The following HUNK variants were observed in gnomAD, a reference collection of about 807,000 sequenced individuals.
HUNK encodes the protein hormonally up-regulated neu tumor-associated kinase.
HUNK carries 21 observed loss-of-function variants against 61.0 expected under a neutral mutation model. The ratio of observed to expected loss-of-function variants is 0.34; its 90% CI spans 0.24 to 0.50. HUNK has a LOEUF of 0.50. Ranked by LOEUF, HUNK falls within the 20% of genes least tolerant of loss-of-function variation. The pLI, the probability that HUNK is intolerant of heterozygous loss-of-function variation, is 0.98. For missense variants in HUNK, 772 were observed against 945.7 expected (o/e 0.82, Z 2.41); for synonymous variants, 371 against 386.1 (o/e 0.96, Z 0.46).
chr21:31,999,406 A>G lies in HUNK; in HGVS notation c.*222A>G. The G allele has an allele frequency of 1.9e-6, 1 of 513,504 alleles. No individual in the cohort carries two copies. The highest frequency in any genetic ancestry group is 3.7e-5 in the Admixed American group (1 of 27,320). 31.8% of individuals were successfully genotyped at this position (513,504 alleles called of 1,614,324 possible). A position where few individuals can be genotyped will look rare whatever the true frequency, so the allele number is the denominator to read the frequency against. ...TTGGCTCCAGGGGCAGCCAATTCCT[A>G]TCATTCAGATCTTCCTTCCTCCCAA... On this transcript the variant is annotated 3_prime_UTR_variant, in exon 11 of 11. Coordinates refer to ENST00000270112, the MANE Select transcript of HUNK (RefSeq NM_014586.2).
At chr21:31,949,402 C>T (rs1264240808) in intron 4 of HUNK, among the ~76,000 whole-genome samples, 2 of 152,132 alleles carry the variant, frequency 1.3e-5, no homozygotes, top group African/African-American at 2.4e-5. Flanking sequence ...GGAGGAAATC[C>T]ATTATGGATT....
chr21:31,878,306 C>T (rs1225120199), intron 1 of HUNK, among the ~76,000 whole-genome samples: 4 of 144,486 alleles, frequency 2.8e-5, no homozygotes, highest in Non-Finnish European at 6.1e-5. Context: ...TTTCCATAAA[C>T]GTTAAACTTT....
intron 2 of HUNK, among the ~76,000 whole-genome samples, chr21:31,928,398 T>C (rs2052675441): frequency 6.6e-6 from 1 of 152,194 alleles, no homozygotes; most frequent in Non-Finnish European, 1.5e-5. Flanking sequence ...ATCCAATCCC[T>C]CTCAGCGCAA....
At chr21:31,876,859 G>A (rs2052266437) in intron 1 of HUNK, among the ~76,000 whole-genome samples, 1 of 151,892 alleles carries the variant, frequency 6.6e-6, no homozygotes, top group South Asian at 2.1e-4. Context: ...TGTTGCTCAG[G>A]CTGGTCTCCA....
In HUNK at chr21:32,001,428, G is replaced by A. The variant is rs966285336; in HGVS notation, c.*2244G>A. ...CTTGCAGGGTGTATACCTGCGCATT[G>A]GGAACTTGCTGGAACCCCTGATGCA... On this transcript the variant is annotated 3_prime_UTR_variant, in exon 11 of 11. Transcript: ENST00000270112. 6.6e-6 allele frequency: 1 copy of A among 152,174 alleles called. No individual in the cohort carries two copies. The highest frequency in any genetic ancestry group is 2.4e-5 in the African/African-American group (1 of 41,436). The allele number at this position is 152,174 out of a possible 1,614,324, so 9.4% of individuals were successfully genotyped here.
chr21:31,925,500 A>G (rs1393639688), intron 2 of HUNK, among the ~76,000 whole-genome samples: 2 of 152,216 alleles, frequency 1.3e-5, no homozygotes, highest in Non-Finnish European at 2.9e-5. Context: ...GATTCGTGCT[A>G]GGGATGATGG....
At chr21:31,958,780 T>TCC in intron 4 of HUNK, 63 bp from the exon 5 acceptor site, 1 of 1,473,280 alleles carries the variant, frequency 6.8e-7, no homozygotes, top group Non-Finnish European at 9.1e-7. Context: ...GAAGCCCGTG[T>TCC]CCCCAGTCTT....
chr21:31,934,163 A>G (rs2052716735), intron 2 of HUNK, among the ~76,000 whole-genome samples: 1 of 151,798 alleles, frequency 6.6e-6, no homozygotes. Context: ...ATTATAATAC[A>G]CGAATACTGA....
At chr21:31,943,592 A>G (rs2052782969) in intron 3 of HUNK, among the ~76,000 whole-genome samples, 1 of 152,244 alleles carries the variant, frequency 6.6e-6, no homozygotes, top group African/African-American at 2.4e-5. Flanking sequence ...GGCTAGATCA[A>G]CATAAGTTGC....
chr21:31,990,001 T>G (rs775400389), intron 8 of HUNK, 128 bp from the exon 9 acceptor site: 18 of 810,934 alleles, frequency 2.2e-5, no homozygotes, highest in Non-Finnish European at 3.4e-5. Flanking sequence ...ATTTCAGGAT[T>G]TGCTTTCTGT....
At chr21:31,985,379 G>T (rs2053125690) in intron 8 of HUNK, among the ~76,000 whole-genome samples, 2 of 152,194 alleles carry the variant, frequency 1.3e-5, no homozygotes, top group South Asian at 4.1e-4. Context: ...GTGGAGCATG[G>T]TGGTTACTGG....
At chr21:31,954,519 C>T (rs570396698) in intron 4 of HUNK, among the ~76,000 whole-genome samples, 23 of 152,288 alleles carry the variant, frequency 1.5e-4, no homozygotes, top group Non-Finnish European at 3.1e-4. Flanking sequence ...AAATTAGCAA[C>T]GTTAATGCAA....
chr21:31,926,076 G>A (rs2052657549), intron 2 of HUNK, among the ~76,000 whole-genome samples: 1 of 152,060 alleles, frequency 6.6e-6, no homozygotes, highest in Admixed American at 6.6e-5. Context: ...GTGCCACAAC[G>A]CCCGGCTAAT....
intron 4 of HUNK, among the ~76,000 whole-genome samples, chr21:31,954,257 G>C (rs559034035): frequency 6.6e-6 from 1 of 152,186 alleles, no homozygotes; most frequent in South Asian, 2.1e-4. Flanking sequence ...TAGGTGTGCC[G>C]TAAAGATTAA....
chr21:31,942,586 A>G (rs1251574794), intron 3 of HUNK, among the ~76,000 whole-genome samples: 1 of 151,874 alleles, frequency 6.6e-6, no homozygotes, highest in Non-Finnish European at 1.5e-5. Context: ...ATCAGAGCCC[A>G]CCCCTTCCCC....
At chr21:31,988,546 C>T (rs80119138) in intron 8 of HUNK, among the ~76,000 whole-genome samples, 321 of 152,108 alleles carry the variant, frequency 2.1e-3, no homozygotes, top group African/African-American at 5.6e-3. Flanking sequence ...CTTACGGATG[C>T]ATCACTATGA....
chr21:31,916,375 T>C (rs1227751943), intron 1 of HUNK, among the ~76,000 whole-genome samples: 1 of 152,036 alleles, frequency 6.6e-6, no homozygotes, highest in Non-Finnish European at 1.5e-5. Flanking sequence ...ATGTACATTA[T>C]CTTAGGGACT....
rs539266990 is a variant in HUNK, at chr21:31,905,114, T to G, written c.262-19354T>G. 9.9e-4 allele frequency among the ~76,000 whole-genome samples: 147 copies of G among 149,152 alleles called. 1 individual carries two copies. Among genetic ancestry groups the G allele is most frequent in the Non-Finnish European group, 1.8e-3 (122 of 67,540 alleles). On this transcript the variant is annotated intron_variant, in intron 1 of 10. Transcript: ENST00000270112. Reference sequence around the variant, plus strand: ...AAGAGGTAGTTGAGTTAAAGTGAGGTCCTGTGGGTGGGCCTCGATCCAATC... The same window carrying G: ...AAGAGGTAGTTGAGTTAAAGTGAGGGCCTGTGGGTGGGCCTCGATCCAATC...
intron 4 of HUNK, among the ~76,000 whole-genome samples, chr21:31,949,116 G>T (rs1029285092): frequency 6.6e-6 from 1 of 152,234 alleles, no homozygotes; most frequent in Admixed American, 6.5e-5. Flanking sequence ...GAGCCCGAAT[G>T]TAGTGGAGCC....
Sources: allele counts gnomAD v4.1 joint callset (sites outside exome capture counted in the v4.1 genomes callset), GRCh38; gene constraint gnomAD v4.1.1; transcripts MANE v1.5; gene names NCBI Gene and HGNC (gene_info 2026-07-23, HGNC 2026-07-21).